TNIK: variants seen among roughly 807,000 people sequenced by gnomAD.
The protein encoded by TNIK is TRAF2 and NCK-interacting protein kinase.
A neutral mutation model predicts 191.3 loss-of-function variants in TNIK; 49 were observed. The observed-to-expected ratio is 0.26, with a 90% confidence interval of 0.20 to 0.32. The LOEUF (loss-of-function observed/expected upper bound fraction) is 0.32. Ranked by LOEUF, TNIK falls within the 10% of genes least tolerant of loss-of-function variation. The pLI is 1.00. For synonymous variants in TNIK, 594 were observed against 600.9 expected (o/e 0.99, Z 0.17); for missense variants, 1,155 against 1,702.3 (o/e 0.68, Z 5.66).
chr3:171,253,121 C>CAAA (rs35251072), intron 2 of TNIK, among the ~76,000 whole-genome samples: 26 of 140,336 alleles, frequency 1.9e-4, no homozygotes, highest in Non-Finnish European at 2.3e-4. Context: ...CTAAAGGTAC[C>CAAA]AAAAAAAAAA....
At chr3:171,264,230 C>T (rs56053312) in intron 2 of TNIK, among the ~76,000 whole-genome samples, 3,321 of 150,826 alleles carry the variant, frequency 0.022, 114 homozygotes, top group African/African-American at 0.076. Context: ...TTTCTATGAC[C>T]CTCACTGAAC....
At chr3:171,075,773 G>A (rs1004268387) in intron 28 of TNIK, among the ~76,000 whole-genome samples, 6 of 144,482 alleles carry the variant, frequency 4.2e-5, no homozygotes, top group African/African-American at 1.6e-4. Context: ...GTCTCGTACT[G>A]TTGCCCAGGC....
chr3:171,222,419 G>A (rs1306578574), intron 3 of TNIK, among the ~76,000 whole-genome samples: 4 of 152,120 alleles, frequency 2.6e-5, no homozygotes, highest in African/African-American at 9.7e-5. Context: ...TAAGTACTAA[G>A]TACAATGCTT....
intron 2 of TNIK, among the ~76,000 whole-genome samples, chr3:171,244,958 T>G (rs892601342): frequency 2.0e-5 from 3 of 152,080 alleles, no homozygotes; most frequent in Admixed American, 1.3e-4. Context: ...TGAAAAAGAT[T>G]TGTATAAACT....
intron 15 of TNIK, among the ~76,000 whole-genome samples, chr3:171,129,200 A>G (rs1363524206): frequency 6.6e-6 from 1 of 152,188 alleles, no homozygotes; most frequent in Non-Finnish European, 1.5e-5. Context: ...TCGCAATGCC[A>G]TGGGGTCAGT....
intron 18 of TNIK, among the ~76,000 whole-genome samples, chr3:171,121,670 T>C (rs560572040): frequency 4.4e-4 from 67 of 152,342 alleles, no homozygotes; most frequent in African/African-American, 1.5e-3. Flanking sequence ...TTTAGGTCAC[T>C]AAACTTATGG....
intron 15 of TNIK, among the ~76,000 whole-genome samples, chr3:171,133,059 G>T (rs1487211719): frequency 6.6e-6 from 1 of 152,198 alleles, no homozygotes; most frequent in Non-Finnish European, 1.5e-5. Context: ...AAAACCACAT[G>T]GGCAGATGGT....
intron 17 of TNIK, among the ~76,000 whole-genome samples, chr3:171,125,463 G>A (rs1352029452): frequency 2.0e-5 from 3 of 152,148 alleles, no homozygotes; most frequent in Non-Finnish European, 4.4e-5. Context: ...AATATCCTAA[G>A]AACAATACTA....
intron 19 of TNIK, among the ~76,000 whole-genome samples, chr3:171,108,550 C>T (rs573966017): frequency 1.7e-4 from 26 of 152,228 alleles, no homozygotes; most frequent in African/African-American, 6.0e-4. Context: ...CACAACTGTC[C>T]GGAGGTCACA....
intron 18 of TNIK, among the ~76,000 whole-genome samples, chr3:171,115,812 A>G (rs1040004990): frequency 6.6e-6 from 1 of 152,220 alleles, no homozygotes; most frequent in Admixed American, 6.5e-5. Context: ...CAGACTAGTT[A>G]GGAGGCTGCT....
At chr3:171,081,685 T>G (rs908689580) in intron 27 of TNIK, among the ~76,000 whole-genome samples, 1 of 147,564 alleles carries the variant, frequency 6.8e-6, no homozygotes, top group African/African-American at 2.6e-5. Context: ...GCCTTCACTT[T>G]AGTCTCCATC....
chr3:171,448,819 G>T (rs1244793031), intron 1 of TNIK, among the ~76,000 whole-genome samples: 1 of 152,034 alleles, frequency 6.6e-6, no homozygotes, highest in Non-Finnish European at 1.5e-5. Context: ...TTGTTACATA[G>T]GTATACATGT....
intron 18 of TNIK, among the ~76,000 whole-genome samples, chr3:171,112,969 G>A (rs1016773023): frequency 2.0e-5 from 3 of 152,112 alleles, no homozygotes; most frequent in African/African-American, 7.2e-5. Flanking sequence ...AAAGGCCTAA[G>A]TTTGGGGTGT....
chr3:171,260,157 C>T (rs1387918938), intron 2 of TNIK, among the ~76,000 whole-genome samples: 1 of 152,118 alleles, frequency 6.6e-6, no homozygotes, highest in Admixed American at 6.6e-5. Context: ...AGCAAGAGTC[C>T]TGTTAGGTTG....
chr3:171,190,899 C>T (rs1737987840), intron 5 of TNIK, 112 bp from the exon 6 acceptor site: 1 of 690,486 alleles, frequency 1.4e-6, no homozygotes, highest in African/African-American at 1.8e-5. Context: ...ACATACTTTT[C>T]AGAATTATAA....
intron 4 of TNIK, among the ~76,000 whole-genome samples, chr3:171,199,916 T>C (rs1325297299): frequency 1.3e-5 from 2 of 152,202 alleles, no homozygotes; most frequent in African/African-American, 4.8e-5. Context: ...ACATGGAAGA[T>C]AGCATCAATA....
chr3:171,427,491 G>A (rs2108649431), intron 1 of TNIK, among the ~76,000 whole-genome samples: 1 of 152,238 alleles, frequency 6.6e-6, no homozygotes. Context: ...TTCCTCAGCT[G>A]TAAAATGGAG....
intron 2 of TNIK, among the ~76,000 whole-genome samples, chr3:171,296,667 A>AG (rs905104957): frequency 6.6e-6 from 1 of 152,230 alleles, no homozygotes; most frequent in Non-Finnish European, 1.5e-5. Context: ...GGGTGGTGGT[A>AG]GAGTTACTGA....
chr3:171,182,156 T>A (rs1382452653), intron 7 of TNIK, among the ~76,000 whole-genome samples: 2 of 145,950 alleles, frequency 1.4e-5, no homozygotes, highest in African/African-American at 5.1e-5. Flanking sequence ...TCATTTGATA[T>A]CATTGTTAGG....
Sources: gnomAD v4.1 joint callset for allele counts (sites outside exome capture counted in the v4.1 genomes callset) on GRCh38, gnomAD v4.1.1 for gene constraint, MANE v1.5 for transcripts, NCBI Gene and HGNC (gene_info 2026-07-23, HGNC 2026-07-21) for gene names.